LRRIQ1: variants seen among roughly 807,000 people sequenced by gnomAD.
The protein encoded by LRRIQ1 is leucine-rich repeat- and IQ domain-containing protein 1.
A neutral mutation model predicts 211.9 loss-of-function variants in LRRIQ1; 210 were observed. That is an observed-to-expected ratio of 0.99 (90% CI 0.89 to 1.11). The LOEUF (loss-of-function observed/expected upper bound fraction) is 1.11. Ranked by LOEUF, LRRIQ1 falls within the 50% of genes most tolerant of loss-of-function variation. LRRIQ1 has a pLI of 0.00. For synonymous variants in LRRIQ1, 699 were observed against 650.1 expected (o/e 1.08, Z -1.14); for missense variants, 2,136 against 1,939.5 (o/e 1.10, Z -1.90).
intron 9 of LRRIQ1, 81 bp downstream of exon 9, chr12:85,065,495 T>C (rs982709135): frequency 1.0e-4 from 117 of 1,170,746 alleles, no homozygotes; most frequent in Admixed American, 1.7e-4. Context: ...AATGACCCTT[T>C]TGAAGAAACA....
chr12:85,073,106 G>T lies in LRRIQ1; in HGVS notation c.2887+8G>T. 6.3e-7 allele frequency: 1 copy of T among 1,576,840 alleles called. No individual in the cohort carries two copies. ...CCCACTTATACTGGAATTGTAAGTT[G>T]TGTTTATTTTTTATTTTGTTACTCT... On this transcript the variant is annotated splice_region_variant and intron_variant, in intron 11 of 26. Transcript: ENST00000393217.
chr12:85,196,762 C>T (rs935109996), intron 24 of LRRIQ1, among the ~76,000 whole-genome samples: 7 of 151,356 alleles, frequency 4.6e-5, no homozygotes, highest in Non-Finnish European at 8.9e-5. Context: ...AGGACATAGG[C>T]ATGGGCAAGG....
chr12:85,104,146 G>A (rs1027054677), intron 14 of LRRIQ1, 69 bp downstream of exon 14: 115 of 793,534 alleles, frequency 1.4e-4, no homozygotes, highest in Non-Finnish European at 2.0e-4. Context: ...ATGATAAGGG[G>A]TTGTTTTAAA....
chr12:85,210,416 A>G (rs887239389), intron 24 of LRRIQ1, among the ~76,000 whole-genome samples: 1 of 152,190 alleles, frequency 6.6e-6, no homozygotes, highest in Non-Finnish European at 1.5e-5. Flanking sequence ...GATGTTTTTG[A>G]TGTAAAGATA....
chr12:85,124,546 T>C, intron 17 of LRRIQ1, 27 bp downstream of exon 17: 1 of 1,532,102 alleles, frequency 6.5e-7, no homozygotes, highest in Non-Finnish European at 9.0e-7. Context: ...ATGTTTCTTT[T>C]ATAGATGTAT....
At chr12:85,090,085 A>G (rs1257246069) in intron 11 of LRRIQ1, among the ~76,000 whole-genome samples, 1 of 152,220 alleles carries the variant, frequency 6.6e-6, no homozygotes, top group African/African-American at 2.4e-5. Context: ...GAGCCCAGGC[A>G]CAGCTTGGAC....
intron 6 of LRRIQ1, among the ~76,000 whole-genome samples, chr12:85,050,783 T>G (rs1358048694): frequency 5.9e-5 from 9 of 152,200 alleles, no homozygotes; most frequent in Non-Finnish European, 1.2e-4. Flanking sequence ...ACTTCCATGC[T>G]TAAACCTCAT....
chr12:85,147,225 G>A (rs1565868334), intron 19 of LRRIQ1, among the ~76,000 whole-genome samples: 1 of 151,794 alleles, frequency 6.6e-6, no homozygotes, highest in Non-Finnish European at 1.5e-5. Flanking sequence ...GCAAAGATTT[G>A]AAGGTGTAGT....
At chr12:85,090,402 C>T (rs1885264487) in intron 11 of LRRIQ1, among the ~76,000 whole-genome samples, 1 of 152,170 alleles carries the variant, frequency 6.6e-6, no homozygotes, top group Admixed American at 6.5e-5. Flanking sequence ...TGGCAGCTTG[C>T]ACCTTGCATC....
chr12:85,098,796 G>A (rs888763813), intron 12 of LRRIQ1, 71 bp from the exon 13 acceptor site: 9 of 1,170,496 alleles, frequency 7.7e-6, no homozygotes, highest in African/African-American at 1.6e-5. Flanking sequence ...GGAAGGTTGT[G>A]TATTTTTTAA....
intron 1 of LRRIQ1, among the ~76,000 whole-genome samples, chr12:85,257,264 G>T (rs950732485): frequency 1.8e-5 from 1 of 54,942 alleles, no homozygotes; most frequent in African/African-American, 6.6e-5. Context: ...AAAAAAAGAT[G>T]CTCTCAACTA....
At chr12:85,237,547 A>G (rs1195580543) in intron 26 of LRRIQ1, among the ~76,000 whole-genome samples, 3 of 152,260 alleles carry the variant, frequency 2.0e-5, no homozygotes, top group Non-Finnish European at 4.4e-5. Context: ...GGGAACAGCT[A>G]CTGGGAATAT....
chr12:85,129,930 C>T (rs979751363), intron 18 of LRRIQ1, among the ~76,000 whole-genome samples: 1 of 152,152 alleles, frequency 6.6e-6, no homozygotes, highest in African/African-American at 2.4e-5. Flanking sequence ...ACCCGAGTAT[C>T]AGCAGCGGAG....
At chr12:85,125,165 C>T (rs1273465401) in intron 17 of LRRIQ1, among the ~76,000 whole-genome samples, 2 of 151,804 alleles carry the variant, frequency 1.3e-5, no homozygotes, top group Non-Finnish European at 2.9e-5. Context: ...GGTGACAGAG[C>T]GAGACTCCAT....
chr12:85,238,369 T>C (rs970186477), intron 26 of LRRIQ1, among the ~76,000 whole-genome samples: 1 of 152,008 alleles, frequency 6.6e-6, no homozygotes, highest in African/African-American at 2.4e-5. Flanking sequence ...CATTTAAAAT[T>C]TGATGAGAAA....
At chr12:85,069,269 C>A (rs1882803989) in intron 10 of LRRIQ1, among the ~76,000 whole-genome samples, 1 of 151,946 alleles carries the variant, frequency 6.6e-6, no homozygotes, top group Admixed American at 6.6e-5. Flanking sequence ...AGGACATGAA[C>A]CCATCATTTT....
chr12:85,121,791 C>T lies in LRRIQ1; in HGVS notation c.3472C>T (p.Leu1158=), dbSNP rs1301756899. The change falls in exon 16 of 27, where the codon CTG becomes TTG. Residue 1158 remains leucine (L), a synonymous_variant. Transcript: ENST00000393217. ...SESRTEEHNQ[L]GSAGFLALCQ... ...AAGCCGCACTGAAGAACACAATCAA[C>T]TGGGATCAGCAGGTTTCCTGGCACT... is the stretch of plus-strand genomic sequence containing the variant. 6.2e-7 allele frequency: 1 copy of T among 1,608,246 alleles called. No individual in the cohort carries two copies. Among genetic ancestry groups the T allele is most frequent in the Non-Finnish European group, 8.5e-7 (1 of 1,177,248 alleles).
In LRRIQ1 at chr12:85,056,947, T is replaced by G. The variant is rs76817659; in HGVS notation, c.2154T>G (p.Asn718Lys). 5.9e-5 allele frequency: 95 copies of G among 1,612,878 alleles called. No individual in the cohort carries two copies. The East Asian group carries it at 2.1e-3, about 35-fold the overall frequency. The part of the protein sequence containing the change: ...IRNISEKCHE[N>K]APEPDSMTCC... ...ATATTTCAGAAAAATGCCATGAAAA[T>G]GCACCTGAACCTGATAGCATGACCT... is the stretch of plus-strand genomic sequence containing the variant. Residue 718 changes from asparagine (N) to lysine (K), a missense_variant, in exon 8 of 27, where the codon AAT (asparagine) becomes AAG (lysine). By Grantham distance (94) the Asn-to-Lys change is moderately conservative (BLOSUM62 0). Transcript: ENST00000393217.
At chr12:85,087,283 T>G (rs1884928588) in intron 11 of LRRIQ1, among the ~76,000 whole-genome samples, 1 of 152,242 alleles carries the variant, frequency 6.6e-6, no homozygotes, top group Non-Finnish European at 1.5e-5. Flanking sequence ...CATCATTTTT[T>G]TATTACTGCA....
Sources: allele counts gnomAD v4.1 joint callset (sites outside exome capture counted in the v4.1 genomes callset), GRCh38; gene constraint gnomAD v4.1.1; transcripts MANE v1.5; gene names NCBI Gene and HGNC (gene_info 2026-07-23, HGNC 2026-07-21).